Variants in HCFC2 observed in about 807,000 individuals in gnomAD.
HCFC2 encodes the protein host cell factor 2.
In HCFC2, 18 loss-of-function variants were observed where a neutral mutation model predicts 89.2. That is an observed-to-expected ratio of 0.20 (90% CI 0.14 to 0.30). The LOEUF is 0.30. Ranked by LOEUF, HCFC2 falls within the 10% of genes least tolerant of loss-of-function variation. The probability of loss-of-function intolerance (pLI) is 1.00; values close to 1 mark genes in which losing one functional copy is unlikely to be tolerated. For synonymous variants in HCFC2, 308 were observed against 335.7 expected, an observed-to-expected ratio of 0.92 and a Z score of 0.90; for missense variants, 578 against 956.1, an observed-to-expected ratio of 0.60 and a Z score of 5.21.
chr12:104,073,467 T>A (rs1437877374), intron 3 of HCFC2, among the ~76,000 whole-genome samples: 1 of 152,174 alleles, frequency 6.6e-6, no homozygotes. Context: ...CCAGCCCGCT[T>A]TGCCTTTTTT....
At chr12:104,079,711 A>C in intron 4 of HCFC2, 58 bp downstream of exon 4, 1 of 1,264,480 alleles carries the variant, frequency 7.9e-7, no homozygotes, top group Non-Finnish European at 1.2e-6. Context: ...GCTTTGAAAA[A>C]TATTATTGAT....
chr12:104,076,061 A>G (rs1031442033), intron 3 of HCFC2, among the ~76,000 whole-genome samples: 6 of 152,162 alleles, frequency 3.9e-5, no homozygotes, highest in African/African-American at 1.4e-4. Context: ...TTCACAGTCA[A>G]TTTTTGTGAT....
In HCFC2 at chr12:104,067,988, T is replaced by A. The variant is rs1221495455; in HGVS notation, c.354T>A (p.Pro118=). 6.2e-7 allele frequency: 1 copy of A among 1,606,236 alleles called. No homozygotes were observed. The highest frequency in any genetic ancestry group is 1.7e-5 in the Admixed American group (1 of 58,438). Residue 118 remains proline (P), a synonymous_variant, in exon 3 of 15, where the codon CCT becomes CCA. Transcript: ENST00000229330. The stretch of plus-strand genomic sequence containing the variant: ...GGAAAAAAGTGAAACCCCATCCCCC[T>A]CCTTCTGGTTTACCTCCTTGTCCTC... ...WLWKKVKPHP[P]PSGLPPCPRL...
rs1883727317 is a variant in HCFC2, at chr12:104,082,921, A to C, written c.1063+20A>C. 6.4e-7 allele frequency: 1 copy of C among 1,562,504 alleles called. No homozygotes were observed. Among genetic ancestry groups the C allele is most frequent in the Non-Finnish European group, 8.7e-7 (1 of 1,153,934 alleles). On this transcript the variant is annotated intron_variant, in intron 7 of 14. Transcript: ENST00000229330. ...ATACTGGTAGGTAAGAATATTTAACAAATAAACTTTTTCCTTTAGGTAAGC... is the reference window on the plus strand; with the variant it reads ...ATACTGGTAGGTAAGAATATTTAACCAATAAACTTTTTCCTTTAGGTAAGC...
chr12:104,095,883 T>C lies in HCFC2; in HGVS notation c.1666+320T>C, dbSNP rs530854580. On this transcript the variant is annotated intron_variant, in intron 11 of 14. Coordinates refer to ENST00000229330, the MANE Select transcript of HCFC2 (RefSeq NM_013320.3). This position sits in a 1 kb window ranked among gnomAD's most constrained non-coding sequence, Gnocchi z 4.2. ...TTTAAAATTATTTTATAAAATATTC[T>C]CTGCATAAAATATTTAGATTAGCAC... Among the ~76,000 whole-genome samples, 13 of 152,210 alleles carry C rather than the reference T, an allele frequency of 8.5e-5. No homozygotes were observed. Among genetic ancestry groups the C allele is most frequent in the Non-Finnish European group, 1.8e-4 (12 of 68,016 alleles).
chr12:104,065,959 G>A (rs929062054), intron 1 of HCFC2, among the ~76,000 whole-genome samples: 1 of 151,988 alleles, frequency 6.6e-6, no homozygotes, highest in African/African-American at 2.4e-5. Flanking sequence ...AAGATGTTTG[G>A]CAGCATCCCT....
rs1490577690 is a variant in HCFC2 at position 104,103,866 on chromosome 12, A to G, written c.*593A>G. On this transcript the variant is annotated 3_prime_UTR_variant, in exon 15 of 15. Transcript: ENST00000229330. The stretch of plus-strand genomic sequence containing the variant: ...GTTTAGAAACTGCTTTTGAACTTTT[A>G]TTATTTTCCAAGAATCATGGTAAAA... The G allele has an allele frequency of 1.3e-5, 2 of 152,118 alleles. No individual in the cohort carries two copies. The highest frequency in any genetic ancestry group is 1.9e-4 in the East Asian group (1 of 5,206). 9.4% of individuals were successfully genotyped at this position (152,118 alleles called of 1,614,324 possible). A position where few individuals can be genotyped will look rare whatever the true frequency, so the allele number is the denominator to read the frequency against.
intron 2 of HCFC2, among the ~76,000 whole-genome samples, chr12:104,066,764 T>C (rs1162517339): frequency 6.6e-6 from 1 of 152,246 alleles, no homozygotes; most frequent in Non-Finnish European, 1.5e-5. Context: ...TTTGCATTTC[T>C]ACCAGGTTCC....
At chr12:104,069,427 C>T (rs544332850) in intron 3 of HCFC2, among the ~76,000 whole-genome samples, 1 of 151,714 alleles carries the variant, frequency 6.6e-6, no homozygotes, top group Admixed American at 6.6e-5. Flanking sequence ...TACTTTGTAT[C>T]TTTTGACCTA....
At chr12:104,067,195 T>A (rs986750444) in intron 2 of HCFC2, among the ~76,000 whole-genome samples, 4 of 152,198 alleles carry the variant, frequency 2.6e-5, no homozygotes, top group Non-Finnish European at 5.9e-5. Flanking sequence ...ATTTGGAAAA[T>A]CACCATGCCT....
rs531459081 is a variant in HCFC2 at position 104,100,085 on chromosome 12, A to G, written c.1878+1605A>G. On this transcript the variant is annotated intron_variant, in intron 13 of 14. Coordinates refer to ENST00000229330, the MANE Select transcript of HCFC2 (RefSeq NM_013320.3). ...ACTTTTTTTTTCCTATTGAAAAAGAATTTTTTTATTCCTCATTTTACAATT... is the reference window on the plus strand; with the variant it reads ...ACTTTTTTTTTCCTATTGAAAAAGAGTTTTTTTATTCCTCATTTTACAATT... Among the ~76,000 whole-genome samples the G allele has an allele frequency of 2.0e-5, 3 of 152,232 alleles. No homozygotes were observed. The South Asian group carries it at 6.2e-4, about 32-fold the overall frequency.
At chr12:104,099,756 C>G (rs368924449) in intron 13 of HCFC2, among the ~76,000 whole-genome samples, 1 of 152,176 alleles carries the variant, frequency 6.6e-6, no homozygotes, top group Non-Finnish European at 1.5e-5. Flanking sequence ...GCCTCAACCT[C>G]CTGGGCTTAA....
At position 104,106,030 on chromosome 12, in the gene HCFC2, A is replaced by AT. The variant is rs1186663166; in HGVS notation, c.*2761dup. ...TTTTCTAAAATATCATATTGGCTTC[A>AT]TTTTAGTTTAATAAACTTCTTTGGC... is the stretch of plus-strand genomic sequence containing the variant. On this transcript the variant is annotated 3_prime_UTR_variant, in exon 15 of 15. Transcript: ENST00000229330. 1 of 152,102 alleles carries AT rather than the reference A, an allele frequency of 6.6e-6. No homozygotes were observed. The highest frequency in any genetic ancestry group is 1.5e-5 in the Non-Finnish European group (1 of 67,940). 9.4% of individuals were successfully genotyped at this position (152,102 alleles called of 1,614,324 possible). A position where few individuals can be genotyped will look rare whatever the true frequency, so the allele number is the denominator to read the frequency against.
Position 104,104,784 on chromosome 12 carries a change from C to T in HCFC2, c.*1511C>T, listed in dbSNP as rs565575712. The T allele has an allele frequency of 1.6e-4, 25 of 152,114 alleles. No individual in the cohort carries two copies. Among genetic ancestry groups the T allele is most frequent in the African/African-American group, 5.5e-4 (23 of 41,540 alleles). 9.4% of individuals were successfully genotyped at this position (152,114 alleles called of 1,614,324 possible). Reference sequence around the variant, plus strand: ...TTAAGTTTCTCTTGAAGAAAATATGCAAATTGTTAGACACATAATGAGTGG... The same window carrying T: ...TTAAGTTTCTCTTGAAGAAAATATGTAAATTGTTAGACACATAATGAGTGG... On this transcript the variant is annotated 3_prime_UTR_variant, in exon 15 of 15. Transcript: ENST00000229330.
chr12:104,079,256 C>T (rs1365658400), intron 3 of HCFC2, among the ~76,000 whole-genome samples, 189 bp from the exon 4 acceptor site: 2 of 152,060 alleles, frequency 1.3e-5, no homozygotes, highest in Non-Finnish European at 2.9e-5. Context: ...CAGAAGAGTG[C>T]CTGGTACATA....
chr12:104,070,801 C>CTTTTT (rs35437369), intron 3 of HCFC2, among the ~76,000 whole-genome samples: 5 of 124,998 alleles, frequency 4.0e-5, no homozygotes, highest in Non-Finnish European at 6.8e-5. Context: ...ATACTTTTTA[C>CTTTTT]TTTTTTTTTT....
rs2030007352 is a variant in HCFC2, at chr12:104,103,387, G to C, written c.*114G>C. 3 of 861,420 alleles carry C rather than the reference G, an allele frequency of 3.5e-6. No homozygotes were observed. The highest frequency in any genetic ancestry group is 5.2e-6 in the Non-Finnish European group (3 of 573,496). 53.4% of individuals were successfully genotyped at this position (861,420 alleles called of 1,614,324 possible). ...CTGTATTTCCAGCAGTTATGAACTT[G>C]AGTTTGTAAATTGTTCTTAAAATGT... On this transcript the variant is annotated 3_prime_UTR_variant, in exon 15 of 15. Coordinates refer to ENST00000229330, the MANE Select transcript of HCFC2 (RefSeq NM_013320.3).
Position 104,103,348 on chromosome 12 carries a change from A to T in HCFC2, c.*75A>T. On this transcript the variant is annotated 3_prime_UTR_variant, in exon 15 of 15. Coordinates refer to ENST00000229330, the MANE Select transcript of HCFC2 (RefSeq NM_013320.3). ...TGGTTATGAAGATTTGTCATTTAAA[A>T]GAGTATTCTCTGGCTGTATTTCCAG... 8.1e-7 allele frequency: 1 copy of T among 1,237,712 alleles called. No individual in the cohort carries two copies. The highest frequency in any genetic ancestry group is 1.1e-6 in the Non-Finnish European group (1 of 880,720). 76.7% of individuals were successfully genotyped at this position (1,237,712 alleles called of 1,614,324 possible).
intron 7 of HCFC2, among the ~76,000 whole-genome samples, chr12:104,085,129 A>G (rs1335496157): frequency 6.6e-6 from 1 of 152,216 alleles, no homozygotes; most frequent in Non-Finnish European, 1.5e-5. Context: ...ATAAATAGAA[A>G]ACTTGGAAGG....
Sources: gnomAD v4.1 joint callset for allele counts (sites outside exome capture counted in the v4.1 genomes callset) on GRCh38, gnomAD v4.1.1 for gene constraint, Gnocchi (gnomAD v3.1) non-coding constraint, MANE v1.5 for transcripts, NCBI Gene and HGNC (gene_info 2026-07-23, HGNC 2026-07-21) for gene names.